USP43: variants seen among roughly 807,000 people sequenced by gnomAD.
USP43 encodes ubiquitin specific peptidase 43, also known as ubiquitin carboxyl-terminal hydrolase 43.
Under a neutral mutation model 90.7 loss-of-function variants are expected in USP43, and 33 were observed. The ratio of observed to expected loss-of-function variants is 0.36; its 90% CI spans 0.28 to 0.49. The LOEUF (loss-of-function observed/expected upper bound fraction) is 0.49, where lower values mean the gene tolerates loss of function less well. Among genes scored for constraint, USP43 ranks in the 20% least tolerant of loss-of-function variants. The pLI, the probability that USP43 is intolerant of heterozygous loss-of-function variation, is 0.98. For synonymous variants in USP43, 598 were observed against 615.8 expected (o/e 0.97, Z 0.43); for missense variants, 1,274 against 1,476.4 (o/e 0.86, Z 2.25).
chr17:9,664,573 A>G (rs1912882195), intron 2 of USP43, among the ~76,000 whole-genome samples: 1 of 151,248 alleles, frequency 6.6e-6, no homozygotes, highest in South Asian at 2.1e-4. Context: ...CCATGGGGGG[A>G]GTGATGATGA....
chr17:9,673,213 A>G (rs1913554070), intron 3 of USP43, among the ~76,000 whole-genome samples: 1 of 152,202 alleles, frequency 6.6e-6, no homozygotes, highest in South Asian at 2.1e-4. Flanking sequence ...TGGAATATAA[A>G]AGTTGCATTT....
chr17:9,666,797 G>A, intron 3 of USP43, 46 bp downstream of exon 3: 1 of 1,475,736 alleles, frequency 6.8e-7, no homozygotes, highest in Non-Finnish European at 9.4e-7. Context: ...GGGCTCCGCA[G>A]ACTCAATTCC....
chr17:9,658,781 T>A (rs1439451768), intron 2 of USP43, among the ~76,000 whole-genome samples: 2 of 152,206 alleles, frequency 1.3e-5, no homozygotes, highest in African/African-American at 4.8e-5. Context: ...CAGCTTCAGG[T>A]AGGGCTGGAT....
rs534040772 is a variant in USP43 at position 9,666,404 on chromosome 17, A to G, written c.637-244A>G. On this transcript the variant is annotated intron_variant, in intron 2 of 14. Coordinates refer to ENST00000285199, the MANE Select transcript of USP43 (RefSeq NM_153210.5). ...GGCTGGTGAGAATGAGCGAGCATCC[A>G]CCAAGGTTCAGGCTCAGGTTTGCTC... Among the ~76,000 whole-genome samples, 12 of 152,228 alleles carry G rather than the reference A, an allele frequency of 7.9e-5. No individual in the cohort carries two copies. The East Asian group carries it at 1.9e-3, about 25-fold the overall frequency.
chr17:9,698,221 A>AT (rs1463076762), intron 9 of USP43, among the ~76,000 whole-genome samples: 2 of 152,120 alleles, frequency 1.3e-5, no homozygotes, highest in African/African-American at 4.8e-5. Flanking sequence ...TATATTCTGG[A>AT]TATTAGTCCT....
intron 12 of USP43, among the ~76,000 whole-genome samples, chr17:9,704,874 C>T (rs1387245127): frequency 2.6e-5 from 4 of 152,180 alleles, no homozygotes; most frequent in Non-Finnish European, 2.9e-5. Flanking sequence ...TTCTATCTCA[C>T]GTCTTTTGAC....
chr17:9,700,542 C>T (rs1457766389), intron 10 of USP43, among the ~76,000 whole-genome samples: 1 of 152,182 alleles, frequency 6.6e-6, no homozygotes, highest in East Asian at 1.9e-4. Context: ...CCAGTCACTG[C>T]TCTGCACACT....
intron 2 of USP43, among the ~76,000 whole-genome samples, chr17:9,664,069 G>C (rs1240577950): frequency 6.6e-6 from 1 of 152,144 alleles, no homozygotes; most frequent in Admixed American, 6.5e-5. Flanking sequence ...CTGTATTCTA[G>C]GGAAACTGGG....
rs745939630 is a variant in USP43 at position 9,680,208 on chromosome 17, G to A, written c.970-23G>A. On this transcript the variant is annotated intron_variant, in intron 5 of 14. Transcript: ENST00000285199. ...GATTTCTCTTTCAGAAATCAAGAGG[G>A]AAAATGATCTTTCTCATTTCAGGTG... 73 of 1,607,712 alleles carry A rather than the reference G, an allele frequency of 4.5e-5. 1 individual carries two copies. The highest frequency in any genetic ancestry group is 1.7e-4 in the Middle Eastern group (1 of 6,058).
intron 12 of USP43, among the ~76,000 whole-genome samples, chr17:9,702,713 T>C (rs1915646532): frequency 6.6e-6 from 1 of 152,196 alleles, no homozygotes; most frequent in Non-Finnish European, 1.5e-5. Context: ...GTGAGAAGCC[T>C]ATTGGTAGCT....
In USP43 at chr17:9,728,713, C is replaced by G. The variant is rs751805441; in HGVS notation, c.3095C>G (p.Pro1032Arg). 9 of 1,602,720 alleles carry G rather than the reference C, an allele frequency of 5.6e-6. No individual in the cohort carries two copies. The East Asian group carries it at 2.0e-4, about 36-fold the overall frequency. The change falls in exon 15 of 15, where the codon CCT becomes CGT. Residue 1032 changes from proline to arginine, a missense_variant. Coordinates refer to ENST00000285199, the MANE Select transcript of USP43 (RefSeq NM_153210.5). The surrounding 1 kb of genome is among the most constrained non-coding windows in gnomAD (Gnocchi z 6.2). ...TCCCTGGTGAGTGGCGGGCTGAGCC[C>G]TGCCATGGACGGGCAGGCTCCAGGC... is the stretch of plus-strand genomic sequence containing the variant. ...PVSLVSGGLS[P>R]AMDGQAPGSP...
At chr17:9,692,995 T>C (rs1232160266) in intron 8 of USP43, 132 bp from the exon 9 acceptor site, 1 of 744,312 alleles carries the variant, frequency 1.3e-6, no homozygotes, top group Admixed American at 2.9e-5. Context: ...TGAATTCTAA[T>C]TATTACGGGA....
At chr17:9,662,570 C>A (rs886216841) in intron 2 of USP43, among the ~76,000 whole-genome samples, 1 of 152,150 alleles carries the variant, frequency 6.6e-6, no homozygotes, top group African/African-American at 2.4e-5. Flanking sequence ...TCCTTTTCAT[C>A]TTCATGTCTC....
chr17:9,687,701 T>A (rs1914674450), intron 8 of USP43, among the ~76,000 whole-genome samples: 1 of 152,248 alleles, frequency 6.6e-6, no homozygotes, highest in South Asian at 2.1e-4. Context: ...ACACAGATCT[T>A]ATCTCAGAGA....
At chr17:9,708,654 G>C (rs773594113) in intron 12 of USP43, among the ~76,000 whole-genome samples, 22 of 152,080 alleles carry the variant, frequency 1.4e-4, no homozygotes, top group Non-Finnish European at 2.9e-4. Context: ...TTGAGACGGA[G>C]TCTCACTGTG....
intron 9 of USP43, 64 bp from the exon 10 acceptor site, chr17:9,700,108 G>T: frequency 1.4e-6 from 2 of 1,451,852 alleles, no homozygotes; most frequent in Non-Finnish European, 1.9e-6. Context: ...AGACTGCTGA[G>T]CCCTGAAGAG....
Position 9,701,383 on chromosome 17 carries a change from A to G in USP43, c.1694A>G (p.His565Arg). 6.2e-7 allele frequency: 1 copy of G among 1,601,798 alleles called. No individual in the cohort carries two copies. Among genetic ancestry groups the G allele is most frequent in the East Asian group, 2.3e-5 (1 of 44,392 alleles). ...LAQDDAWKCP[H>R]CQVLQQGMVK... The stretch of plus-strand genomic sequence containing the variant: ...CAGGATGACGCCTGGAAGTGTCCTC[A>G]CTGCCAAGTCCTGCAGCAGGGGATG... Residue 565 changes from histidine (H) to arginine (R), a missense_variant, in exon 12 of 15, where the codon CAC (histidine) becomes CGC (arginine). Transcript: ENST00000285199. The surrounding 1 kb of genome is among the most constrained non-coding windows in gnomAD (Gnocchi z 7.2).
At chr17:9,685,983 T>C (rs954492664) in intron 7 of USP43, among the ~76,000 whole-genome samples, 1 of 152,212 alleles carries the variant, frequency 6.6e-6, no homozygotes, top group South Asian at 2.1e-4. Flanking sequence ...TCCCAGCCTC[T>C]AGTAGAACCA....
In USP43 at chr17:9,682,431, G is replaced by A. The variant is rs576887948; in HGVS notation, c.1106-392G>A. Among the ~76,000 whole-genome samples the A allele has an allele frequency of 2.6e-5, 4 of 152,242 alleles. No individual in the cohort carries two copies. In the South Asian group the frequency reaches 6.2e-4, roughly 24 times the overall value. On this transcript the variant is annotated intron_variant, in intron 6 of 14. Coordinates refer to ENST00000285199, the MANE Select transcript of USP43 (RefSeq NM_153210.5). ...AAGAATACAAAAAAATTAGCTGGGC[G>A]TGGTGGTGCACATCCACAATCCCAG...
Sources: allele counts gnomAD v4.1 joint callset (sites outside exome capture counted in the v4.1 genomes callset), GRCh38; gene constraint gnomAD v4.1.1; non-coding constraint Gnocchi (gnomAD v3.1); transcripts MANE v1.5; gene names NCBI Gene and HGNC (gene_info 2026-07-23, HGNC 2026-07-21).